Variants in MALRD1 observed in about 807,000 individuals in gnomAD.
MALRD1 encodes MAM and LDL-receptor class A domain-containing protein 1.
MALRD1 carries 247 observed loss-of-function variants against 242.1 expected under a neutral mutation model. The ratio of observed to expected loss-of-function variants is 1.02; its 90% confidence interval spans 0.92 to 1.13. The LOEUF (loss-of-function observed/expected upper bound fraction) is 1.13. Ranked by LOEUF, MALRD1 falls within the 50% of genes most tolerant of loss-of-function variation. MALRD1 has a pLI of 0.00. For missense variants in MALRD1, 2,989 were observed against 2,533.1 expected (o/e 1.18, Z -3.86); for synonymous variants, 995 against 866.6 (o/e 1.15, Z -2.60).
In MALRD1 at chr10:19,443,086, A is replaced by C. The variant is rs185525373; in HGVS notation, c.4846-7221A>C. Reference sequence around the variant, plus strand: ...CGAGGAATTTATCCATTTCTTCTAGATTTTCTAGTTTATTTGCATAGAGGT... The same window carrying C: ...CGAGGAATTTATCCATTTCTTCTAGCTTTTCTAGTTTATTTGCATAGAGGT... On this transcript the variant is annotated intron_variant, in intron 28 of 39. Coordinates refer to ENST00000454679, the MANE Select transcript of MALRD1 (RefSeq NM_001142308.3). Among the ~76,000 whole-genome samples, 906 of 152,084 alleles carry C rather than the reference A, an allele frequency of 6.0e-3. 14 individuals are homozygous for C. Among genetic ancestry groups the C allele is most frequent in the Admixed American group, 0.024 (367 of 15,270 alleles).
At chr10:19,174,542 TTC>T (rs140031809) in intron 13 of MALRD1, among the ~76,000 whole-genome samples, 7 of 150,528 alleles carry the variant, frequency 4.7e-5, no homozygotes, top group Non-Finnish European at 3.0e-5. Context: ...TTTCCCTCCT[TTC>T]TCTCTCTCTC....
chr10:19,421,222 T>C (rs1319408126), intron 28 of MALRD1, among the ~76,000 whole-genome samples: 1 of 152,208 alleles, frequency 6.6e-6, no homozygotes, highest in Non-Finnish European at 1.5e-5. Context: ...TGTATGTGTA[T>C]GTGTGCATGT....
At chr10:19,462,081 T>C (rs142848317) in intron 29 of MALRD1, among the ~76,000 whole-genome samples, 2 of 152,318 alleles carry the variant, frequency 1.3e-5, no homozygotes, top group East Asian at 3.9e-4. Flanking sequence ...TTGGTGACCT[T>C]ATTGATGAAG....
chr10:19,369,140 T>G (rs964898786), intron 26 of MALRD1, among the ~76,000 whole-genome samples: 1 of 128,280 alleles, frequency 7.8e-6, no homozygotes, highest in Non-Finnish European at 1.6e-5. Flanking sequence ...ATTATTTAAA[T>G]TTAATATTAT....
At chr10:19,699,108 AGAT>A (rs1294731492) in intron 38 of MALRD1, among the ~76,000 whole-genome samples, 2 of 152,076 alleles carry the variant, frequency 1.3e-5, no homozygotes, top group Non-Finnish European at 2.9e-5. Flanking sequence ...CTTAAAACCT[AGAT>A]GACGGGTTGA....
At chr10:19,250,324 A>T (rs1012792121) in intron 18 of MALRD1, among the ~76,000 whole-genome samples, 4 of 152,014 alleles carry the variant, frequency 2.6e-5, no homozygotes, top group African/African-American at 9.7e-5. Flanking sequence ...ACTTTTTTCA[A>T]TTAAATCATT....
intron 36 of MALRD1, among the ~76,000 whole-genome samples, chr10:19,680,127 G>A (rs7916986): frequency 0.54 from 82,120 of 151,922 alleles, 22,233 homozygotes; most frequent in Non-Finnish European, 0.57. Flanking sequence ...GTTTTGCAGC[G>A]TACAGTTCTA....
At chr10:19,132,513 G>A (rs963557488) in intron 8 of MALRD1, among the ~76,000 whole-genome samples, 4 of 152,298 alleles carry the variant, frequency 2.6e-5, no homozygotes, top group African/African-American at 9.6e-5. Context: ...ATTTGAGGGT[G>A]CAGGACTAAG....
chr10:19,669,700 A>G (rs553953018), intron 36 of MALRD1, among the ~76,000 whole-genome samples: 151 of 152,330 alleles, frequency 9.9e-4, no homozygotes, highest in African/African-American at 3.4e-3. Context: ...AAATTAAAAA[A>G]TAAGTGATCA....
At chr10:19,418,845 A>T (rs1002015939) in intron 28 of MALRD1, among the ~76,000 whole-genome samples, 17 of 152,214 alleles carry the variant, frequency 1.1e-4, no homozygotes, top group Admixed American at 3.3e-4. Flanking sequence ...AGCTCAGGTT[A>T]TCACATAGCA....
chr10:19,555,118 T>TGGTCAG (rs1835659602), intron 32 of MALRD1, among the ~76,000 whole-genome samples: 1 of 152,154 alleles, frequency 6.6e-6, no homozygotes, highest in Non-Finnish European at 1.5e-5. Context: ...CATTGTGTTT[T>TGGTCAG]TGATTTGAAT....
intron 8 of MALRD1, among the ~76,000 whole-genome samples, chr10:19,132,037 C>T (rs1046327640): frequency 6.6e-6 from 1 of 152,202 alleles, no homozygotes; most frequent in Non-Finnish European, 1.5e-5. Context: ...ATCTCATTCA[C>T]TGTGTACTAT....
intron 36 of MALRD1, among the ~76,000 whole-genome samples, chr10:19,635,912 T>A (rs1260759437): frequency 1.3e-5 from 2 of 152,110 alleles, no homozygotes; most frequent in African/African-American, 4.8e-5. Context: ...TGTTAATTTT[T>A]TTTTTTGAAA....
At chr10:19,503,500 C>A (rs950298732) in intron 31 of MALRD1, among the ~76,000 whole-genome samples, 2 of 152,084 alleles carry the variant, frequency 1.3e-5, no homozygotes, top group Admixed American at 6.5e-5. Flanking sequence ...AAACATCAGT[C>A]GACTCTCTGG....
chr10:19,161,779 C>T (rs922549299), intron 12 of MALRD1, among the ~76,000 whole-genome samples: 7 of 152,110 alleles, frequency 4.6e-5, no homozygotes, highest in African/African-American at 1.7e-4. Context: ...CCTGTAATCC[C>T]AGCACTTTGG....
intron 29 of MALRD1, among the ~76,000 whole-genome samples, chr10:19,475,630 A>C (rs960430690): frequency 2.0e-5 from 3 of 152,182 alleles, no homozygotes; most frequent in Non-Finnish European, 4.4e-5. Flanking sequence ...CCCTAAATCT[A>C]AGCAAGTTCA....
At chr10:19,136,939 A>C (rs1833363390) in intron 10 of MALRD1, among the ~76,000 whole-genome samples, 158 bp downstream of exon 10, 1 of 152,228 alleles carries the variant, frequency 6.6e-6, no homozygotes, top group South Asian at 2.1e-4. Context: ...CTATGCCTTC[A>C]GGGATCTCTA....
rs1042984490 is a variant in MALRD1, at chr10:19,450,421, G to A, written c.4960G>A (p.Gly1654Ser). 33 of 1,550,484 alleles carry A rather than the reference G, an allele frequency of 2.1e-5. No homozygotes were observed. The highest frequency in any genetic ancestry group is 5.5e-5 in the African/African-American group (4 of 73,042). Residue 1654 changes from glycine (G) to serine (S), a missense_variant, in exon 29 of 40, where the codon GGT becomes AGT. Coordinates refer to ENST00000454679, the MANE Select transcript of MALRD1 (RefSeq NM_001142308.3). ...KLRNFEVIFQ[G>S]IRTRDLGGGA... is the part of the protein sequence containing the mutation. Reference sequence around the variant, plus strand: ...AAGGAATTTTGAAGTCATATTTCAAGGTATCAGAACAAGGGACCTGGGAGG... The same window carrying A: ...AAGGAATTTTGAAGTCATATTTCAAAGTATCAGAACAAGGGACCTGGGAGG...
At chr10:19,656,681 A>T (rs1437498472) in intron 36 of MALRD1, among the ~76,000 whole-genome samples, 1 of 152,126 alleles carries the variant, frequency 6.6e-6, no homozygotes, top group African/African-American at 2.4e-5. Context: ...CAAATTTGGC[A>T]TTCTGGGAAC....
Sources: allele counts gnomAD v4.1 joint callset (sites outside exome capture counted in the v4.1 genomes callset), GRCh38; gene constraint gnomAD v4.1.1; transcripts MANE v1.5; gene names NCBI Gene and HGNC (gene_info 2026-07-23, HGNC 2026-07-21).